Variants in GRIN2A observed in about 807,000 individuals in gnomAD.
GRIN2A encodes the protein glutamate receptor ionotropic, NMDA 2A.
A neutral mutation model predicts 113.4 loss-of-function variants in GRIN2A; 22 were observed. The observed-to-expected ratio is 0.19, with a 90% CI of 0.14 to 0.28. The LOEUF (loss-of-function observed/expected upper bound fraction) is 0.28. GRIN2A is among the 10% of genes least tolerant of loss of function. GRIN2A has a pLI of 1.00. For synonymous variants in GRIN2A, 827 were observed against 738.4 expected, an observed-to-expected ratio of 1.12 and a Z score of -1.94; for missense variants, 1,502 against 1,887.0, an observed-to-expected ratio of 0.80 and a Z score of 3.78.
chr16:9,875,154 C>T (rs962323734), intron 4 of GRIN2A, among the ~76,000 whole-genome samples: 4 of 151,848 alleles, frequency 2.6e-5, no homozygotes, highest in Non-Finnish European at 4.4e-5. Context: ...CTCCTCACTG[C>T]AGCCTCTCGT....
At chr16:10,177,596 T>G (rs1334232142) in intron 2 of GRIN2A, among the ~76,000 whole-genome samples, 2 of 152,242 alleles carry the variant, frequency 1.3e-5, no homozygotes, top group African/African-American at 4.8e-5. Flanking sequence ...CATCTTCCTC[T>G]TGCCCTTTCC....
At chr16:10,161,242 G>A (rs2049802607) in intron 2 of GRIN2A, among the ~76,000 whole-genome samples, 1 of 152,124 alleles carries the variant, frequency 6.6e-6, no homozygotes, top group Admixed American at 6.5e-5. Flanking sequence ...ACTTCTCCTT[G>A]CTGCTGCCAT....
chr16:9,890,507 C>G (rs563097205), intron 4 of GRIN2A, among the ~76,000 whole-genome samples: 3 of 152,102 alleles, frequency 2.0e-5, no homozygotes, highest in East Asian at 3.9e-4. Context: ...TAACCTCCCT[C>G]TCTAACTCAT....
At chr16:9,833,945 C>G (rs987619430) in intron 8 of GRIN2A, among the ~76,000 whole-genome samples, 160 bp downstream of exon 8, 15 of 152,170 alleles carry the variant, frequency 9.9e-5, no homozygotes, top group African/African-American at 3.1e-4. Flanking sequence ...TTCTGAACTC[C>G]TGACCTCATG....
chr16:9,765,647 G>GA (rs59262660), intron 12 of GRIN2A, among the ~76,000 whole-genome samples: 2,521 of 152,294 alleles, frequency 0.017, 58 homozygotes, highest in African/African-American at 0.057. Context: ...CCATTGCAGT[G>GA]AAAAGTAGAG....
intron 4 of GRIN2A, among the ~76,000 whole-genome samples, chr16:9,865,324 T>A (rs532728395): frequency 6.6e-6 from 1 of 152,244 alleles, no homozygotes; most frequent in South Asian, 2.1e-4. Context: ...CCAAACCAAT[T>A]ATCCCCATCT....
Position 9,755,888 on chromosome 16 carries a change from C to G in GRIN2A, c.*7261G>C. 4.8e-6 allele frequency: 1 copy of G among 207,294 alleles called. No individual in the cohort carries two copies. The highest frequency in any genetic ancestry group is 9.8e-6 in the Non-Finnish European group (1 of 101,560). The allele number at this position is 207,294 out of a possible 1,614,324, so 12.8% of individuals were successfully genotyped here. On this transcript the variant is annotated 3_prime_UTR_variant, in exon 13 of 13. Coordinates refer to ENST00000330684, the MANE Select transcript of GRIN2A (RefSeq NM_001134407.3). The stretch of plus-strand genomic sequence containing the variant: ...AAAAGGAACAGACCAAGAAGGAAAA[C>G]AACAACAACATTTTAATAGCTGGTC...
At chr16:10,076,356 C>G (rs1290701040) in intron 2 of GRIN2A, among the ~76,000 whole-genome samples, 1 of 152,180 alleles carries the variant, frequency 6.6e-6, no homozygotes, top group East Asian at 1.9e-4. Flanking sequence ...ACTGCTGCAT[C>G]CATCCCACAA....
At position 10,180,575 on chromosome 16, in the gene GRIN2A, C is replaced by T; in HGVS notation, c.-18-146G>A. Reference sequence around the variant, plus strand: ...TGGGATCACGGACTCCATTCCGAGTCCCCGACGCCATCCACATCCCTCGAT... The same window carrying T: ...TGGGATCACGGACTCCATTCCGAGTTCCCGACGCCATCCACATCCCTCGAT... On this transcript the variant is annotated intron_variant, in intron 1 of 12. Transcript: ENST00000330684. This position sits in a 1 kb window ranked among gnomAD's most constrained non-coding sequence, Gnocchi z 7.0. 1 of 1,421,500 alleles carries T rather than the reference C, an allele frequency of 7.0e-7. No individual in the cohort carries two copies. Among genetic ancestry groups the T allele is most frequent in the Non-Finnish European group, 9.3e-7 (1 of 1,069,692 alleles). 88.1% of individuals were successfully genotyped at this position (1,421,500 alleles called of 1,614,324 possible).
chr16:10,151,261 T>G (rs1452671959), intron 2 of GRIN2A, among the ~76,000 whole-genome samples: 5 of 152,186 alleles, frequency 3.3e-5, no homozygotes, highest in Admixed American at 2.6e-4. Context: ...CCTAGTCCCC[T>G]CAACCTCTCA....
At chr16:9,911,287 G>C (rs1307544707) in intron 3 of GRIN2A, among the ~76,000 whole-genome samples, 3 of 152,134 alleles carry the variant, frequency 2.0e-5, no homozygotes, top group African/African-American at 7.2e-5. Context: ...AGGAGTTTGA[G>C]ACCAGCTTGG....
intron 2 of GRIN2A, among the ~76,000 whole-genome samples, chr16:10,134,216 AAT>A (rs59962727): frequency 0.69 from 69,465 of 101,092 alleles, 21,202 homozygotes; most frequent in South Asian, 0.79. Flanking sequence ...AAAAAAAAAA[AAT>A]GGAGAGGAGA....
intron 3 of GRIN2A, among the ~76,000 whole-genome samples, chr16:9,927,307 G>T (rs1395776546): frequency 1.3e-5 from 2 of 152,152 alleles, no homozygotes; most frequent in Non-Finnish European, 2.9e-5. Context: ...CAGGAGTTTG[G>T]AGTTAAGCCA....
At chr16:10,085,744 T>C (rs1242458123) in intron 2 of GRIN2A, among the ~76,000 whole-genome samples, 1 of 152,100 alleles carries the variant, frequency 6.6e-6, no homozygotes, top group Non-Finnish European at 1.5e-5. Context: ...GGAGAGGATA[T>C]AATGTGGTAA....
intron 10 of GRIN2A, among the ~76,000 whole-genome samples, chr16:9,800,812 G>A (rs76069538): frequency 0.032 from 4,934 of 152,226 alleles, 274 homozygotes; most frequent in African/African-American, 0.11. Context: ...TACGTAACCT[G>A]GAGCAACCTA....
intron 3 of GRIN2A, among the ~76,000 whole-genome samples, chr16:9,930,605 G>T (rs1402714907): frequency 6.6e-6 from 1 of 152,220 alleles, no homozygotes; most frequent in South Asian, 2.1e-4. Context: ...TGCGAGAAGT[G>T]TTTGTTGAGC....
chr16:9,777,592 T>G (rs1477363054), intron 11 of GRIN2A, among the ~76,000 whole-genome samples: 2 of 152,246 alleles, frequency 1.3e-5, no homozygotes, highest in Non-Finnish European at 2.9e-5. Flanking sequence ...CAGGCTGTCT[T>G]TGGCATAAAT....
Position 9,770,958 on chromosome 16 carries a change from T to A in GRIN2A, c.2357-1869A>T, listed in dbSNP as rs896113054. Reference sequence around the variant, plus strand: ...AATACCTAGGAGCATTATTGCTAGATTATACAGTAAGTCTGTGTTTCAGCT... The same window carrying A: ...AATACCTAGGAGCATTATTGCTAGAATATACAGTAAGTCTGTGTTTCAGCT... On this transcript the variant is annotated intron_variant, in intron 11 of 12. Coordinates refer to ENST00000330684, the MANE Select transcript of GRIN2A (RefSeq NM_001134407.3). Among the ~76,000 whole-genome samples, 3 of 152,320 alleles carry A rather than the reference T, an allele frequency of 2.0e-5. No individual in the cohort carries two copies. In the East Asian group the frequency reaches 5.8e-4, roughly 29 times the overall value.
chr16:9,824,930 G>A (rs550731643), intron 9 of GRIN2A, among the ~76,000 whole-genome samples: 2 of 152,186 alleles, frequency 1.3e-5, no homozygotes, highest in African/African-American at 4.8e-5. Context: ...GACACACTCC[G>A]TGCTTGCTGC....
Sources: gnomAD v4.1 joint callset for allele counts (sites outside exome capture counted in the v4.1 genomes callset) on GRCh38, gnomAD v4.1.1 for gene constraint, Gnocchi (gnomAD v3.1) non-coding constraint, MANE v1.5 for transcripts, NCBI Gene and HGNC (gene_info 2026-07-23, HGNC 2026-07-21) for gene names.